SPACA9: variants seen among roughly 807,000 people sequenced by gnomAD.
SPACA9 encodes sperm acrosome associated 9.
Under a neutral mutation model 12.5 loss-of-function variants are expected in SPACA9, and 14 were observed. The ratio of observed to expected loss-of-function variants is 1.12; its 90% CI spans 0.74 to 1.75. The LOEUF is 1.75. SPACA9 is among the 40% of genes most tolerant of loss of function. The pLI is 0.00. For synonymous variants in SPACA9, 111 were observed against 114.1 expected, an observed-to-expected ratio of 0.97 and a Z score of 0.17; for missense variants, 292 against 291.9, an observed-to-expected ratio of 1.00 and a Z score of 0.00.
intron 1 of SPACA9, among the ~76,000 whole-genome samples, chr9:132,880,877 C>T (rs1461447923): frequency 1.4e-5 from 2 of 147,664 alleles, no homozygotes; most frequent in Non-Finnish European, 3.0e-5. Flanking sequence ...GGCTGGAGTG[C>T]AGTGGCGCCA....
upstream of SPACA9, chr9:132,878,805 G>A (rs768520833): frequency 5.1e-4 from 503 of 983,398 alleles, no homozygotes; most frequent in Non-Finnish European, 6.0e-4. The surrounding 1 kb of genome is among the most constrained non-coding windows in gnomAD (Gnocchi z 4.7). Context: ...CCCCGGCTCT[G>A]GCCAAGCCGC....
intron 2 of SPACA9, among the ~76,000 whole-genome samples, chr9:132,884,634 A>G (rs1456331149): frequency 6.8e-6 from 1 of 146,576 alleles, no homozygotes; most frequent in African/African-American, 2.5e-5. Flanking sequence ...TCCTTCCAGG[A>G]TGTTAGGGGC....
At chr9:132,879,438 C>CT (rs1382280206) in intron 1 of SPACA9, among the ~76,000 whole-genome samples, 1 of 152,176 alleles carries the variant, frequency 6.6e-6, no homozygotes, top group Non-Finnish European at 1.5e-5. Context: ...TTGGCAAACT[C>CT]TCTGCTTGCT....
rs1844648523 is a variant in SPACA9 at position 132,888,751 on chromosome 9, C to T, written c.*140C>T. The T allele has an allele frequency of 7.0e-7, 1 of 1,419,072 alleles. No individual in the cohort carries two copies. Among genetic ancestry groups the T allele is most frequent in the Admixed American group, 3.1e-5 (1 of 32,424 alleles). 87.9% of individuals were successfully genotyped at this position (1,419,072 alleles called of 1,614,324 possible). ...TCAGCCAATATATTACTGAGACTTC[C>T]TCTCTCTCTTCTTGCTTTAACTTCT... On this transcript the variant is annotated 3_prime_UTR_variant, in exon 4 of 4. Transcript: ENST00000356311. The surrounding 1 kb of genome is among the most constrained non-coding windows in gnomAD (Gnocchi z 5.0).
chr9:132,879,463 C>T (rs1052198205), intron 1 of SPACA9, among the ~76,000 whole-genome samples: 3 of 152,140 alleles, frequency 2.0e-5, no homozygotes, highest in African/African-American at 7.2e-5. Context: ...GCCTCACTTT[C>T]CTGCCCTGTG....
rs970298892 is a variant in SPACA9, at chr9:132,889,275, G to C, written c.*664G>C. On this transcript the variant is annotated 3_prime_UTR_variant, in exon 4 of 4. Coordinates refer to ENST00000356311, the MANE Select transcript of SPACA9 (RefSeq NM_001316897.2). The stretch of plus-strand genomic sequence containing the variant: ...GCTGCGGGCTGCAGTTTTGCAGAGG[G>C]TGATCAAGCTGGAGACCATCTGCTC... 1.0e-6 allele frequency: 1 copy of C among 985,930 alleles called. No homozygotes were observed. Among genetic ancestry groups the C allele is most frequent in the Non-Finnish European group, 1.2e-6 (1 of 830,440 alleles). The allele number at this position is 985,930 out of a possible 1,614,324, so 61.1% of individuals were successfully genotyped here. A position where few individuals can be genotyped will look rare whatever the true frequency, so the allele number is the denominator to read the frequency against.
chr9:132,878,668 G>T, upstream of SPACA9: 1 of 1,001,560 alleles, frequency 1.0e-6, no homozygotes, highest in Non-Finnish European at 1.2e-6. This position sits in a 1 kb window ranked among gnomAD's most constrained non-coding sequence, Gnocchi z 4.7. Context: ...AACAGACGCG[G>T]GAATAAATGT....
rs991683192 is a variant in SPACA9 at position 132,887,698 on chromosome 9, T to A, written c.347+127T>A. On this transcript the variant is annotated intron_variant, in intron 3 of 3. Transcript: ENST00000356311. This position sits in a 1 kb window ranked among gnomAD's most constrained non-coding sequence, Gnocchi z 5.4. ...CCACCCCGGGCAGGAAATCCCAGTC[T>A]CCACTCATTTATTGGAATGACTCGG... 1.1e-5 allele frequency: 8 copies of A among 727,696 alleles called. No individual in the cohort carries two copies. The highest frequency in any genetic ancestry group is 9.7e-5 in the Admixed American group (4 of 41,030). The allele number at this position is 727,696 out of a possible 1,614,324, so 45.1% of individuals were successfully genotyped here.
chr9:132,878,970 C>T lies in SPACA9; in HGVS notation c.-82C>T. 6.0e-6 allele frequency: 1 copy of T among 167,424 alleles called. No individual in the cohort carries two copies. The allele number at this position is 167,424 out of a possible 1,614,324, so 10.4% of individuals were successfully genotyped here. A position where few individuals can be genotyped will look rare whatever the true frequency, so the allele number is the denominator to read the frequency against. ...GACACTCACGGAGTCACTCCAACTT[C>T]TCTGGGTGCTCCGTGGAGCGAAGAG... On this transcript the variant is annotated 5_prime_UTR_variant, in exon 1 of 4. Transcript: ENST00000356311. This position sits in a 1 kb window ranked among gnomAD's most constrained non-coding sequence, Gnocchi z 4.7.
intron 2 of SPACA9, among the ~76,000 whole-genome samples, chr9:132,886,629 A>T (rs1433669123): frequency 6.6e-6 from 1 of 152,062 alleles, no homozygotes; most frequent in African/African-American, 2.4e-5. Context: ...ACCTCTGCAA[A>T]CCTCCAGTGT....
intron 1 of SPACA9, among the ~76,000 whole-genome samples, chr9:132,883,515 C>T (rs1257141949): frequency 2.0e-5 from 3 of 152,064 alleles, no homozygotes; most frequent in African/African-American, 4.8e-5. Context: ...TGTGTACACG[C>T]GTGCGTGTGT....
Position 132,880,804 on chromosome 9 carries a change from A to G in SPACA9, c.-38+1790A>G, listed in dbSNP as rs578199002. On this transcript the variant is annotated intron_variant, in intron 1 of 3. Transcript: ENST00000356311. ...TTCTCCTTTTGCCTCAGGCCTCAGT[A>G]TGGCAAGGTGCAGCTATCTTTTTTT... Among the ~76,000 whole-genome samples the G allele has an allele frequency of 2.6e-5, 4 of 151,068 alleles. No homozygotes were observed. In the South Asian group the frequency reaches 8.4e-4, roughly 32 times the overall value.
At chr9:132,886,723 G>A (rs1844575820) in intron 2 of SPACA9, among the ~76,000 whole-genome samples, 1 of 152,204 alleles carries the variant, frequency 6.6e-6, no homozygotes, top group Admixed American at 6.5e-5. Flanking sequence ...ACAGGCGAGA[G>A]CAGGCCCGTA....
rs1236688441 is a variant in SPACA9, at chr9:132,889,703, C to T, written c.*1092C>T. 3 of 1,108,080 alleles carry T rather than the reference C, an allele frequency of 2.7e-6. No homozygotes were observed. Among genetic ancestry groups the T allele is most frequent in the Non-Finnish European group, 3.3e-6 (3 of 906,822 alleles). The allele number at this position is 1,108,080 out of a possible 1,614,324, so 68.6% of individuals were successfully genotyped here. A position where few individuals can be genotyped will look rare whatever the true frequency, so the allele number is the denominator to read the frequency against. On this transcript the variant is annotated 3_prime_UTR_variant, in exon 4 of 4. Coordinates refer to ENST00000356311, the MANE Select transcript of SPACA9 (RefSeq NM_001316897.2). Reference sequence around the variant, plus strand: ...GTGCTGGGATTACAGGTGTGAGCCACGGCACCTGGCCAGAACTCAGTAGTG... The same window carrying T: ...GTGCTGGGATTACAGGTGTGAGCCATGGCACCTGGCCAGAACTCAGTAGTG...
At chr9:132,884,629 C>T (rs555945278) in intron 2 of SPACA9, among the ~76,000 whole-genome samples, 9 of 152,300 alleles carry the variant, frequency 5.9e-5, no homozygotes, top group African/African-American at 2.2e-4. Flanking sequence ...AATGATCCTT[C>T]CAGGATGTTA....
Position 132,888,406 on chromosome 9 carries a change from C to G in SPACA9, c.464C>G (p.Ser155Cys), listed in dbSNP as rs1564460142. ...LDLMKEWIAHSEKLPRKVLQH... is the reference protein window; with the variant it reads ...LDLMKEWIAHCEKLPRKVLQH... ...TTAATGAAAGAATGGATCGCCCACT[C>G]CGAGAAGTTGCCGCGCAAGGTGCTG... Residue 155 changes from serine to cysteine, a missense_variant, in exon 4 of 4, where the codon TCC becomes TGC. By Grantham distance (112) the Ser-to-Cys change is moderately radical (BLOSUM62 -1). Coordinates refer to ENST00000356311, the MANE Select transcript of SPACA9 (RefSeq NM_001316897.2). The surrounding 1 kb of genome is among the most constrained non-coding windows in gnomAD (Gnocchi z 5.0). 6.2e-7 allele frequency: 1 copy of G among 1,614,032 alleles called. No individual in the cohort carries two copies. The highest frequency in any genetic ancestry group is 1.7e-5 in the Admixed American group (1 of 60,026).
rs1351928358 is a variant in SPACA9, at chr9:132,881,277, AAAAAAAAG to A, written c.-38+2271_-38+2278del. Among the ~76,000 whole-genome samples, 44 of 145,976 alleles carry A rather than the reference AAAAAAAAG, an allele frequency of 3.0e-4. No individual in the cohort carries two copies. In the East Asian group the frequency reaches 7.7e-3, roughly 26 times the overall value. Reference sequence around the variant, plus strand: ...CCCATCTCTACAAAAAAAAAGAAAAAAAAAAAAGAAAAAAAAGAAGAAAAAAAAAAAAA... The same window carrying A: ...CCCATCTCTACAAAAAAAAAGAAAAAAAAAAAAAGAAGAAAAAAAAAAAAA... On this transcript the variant is annotated intron_variant, in intron 1 of 3. Coordinates refer to ENST00000356311, the MANE Select transcript of SPACA9 (RefSeq NM_001316897.2).
chr9:132,878,714 A>AGAT, upstream of SPACA9: 29 of 987,996 alleles, frequency 2.9e-5, no homozygotes, highest in Non-Finnish European at 3.5e-5. The surrounding 1 kb of genome is among the most constrained non-coding windows in gnomAD (Gnocchi z 4.7). Flanking sequence ...GGCGTCCATG[A>AGAT]GATGGGCCGG....
At position 132,887,414 on chromosome 9, in the gene SPACA9, CG is replaced by C; in HGVS notation, c.193del (p.Val65PhefsTer12). The C allele has an allele frequency of 6.2e-7, 1 of 1,611,768 alleles. No homozygotes were observed. The highest frequency in any genetic ancestry group is 1.7e-5 in the Admixed American group (1 of 60,012). ...CTACTGCAACAGCTCCACAGACCGG[CG>C]GGTTCTGCTCATGTTCCTGGACATC... ...EHYCNSSTDR[R>X]VLLMFLDICS... On this transcript the variant is annotated frameshift_variant, in exon 3 of 4. Coordinates refer to ENST00000356311, the MANE Select transcript of SPACA9 (RefSeq NM_001316897.2). LOFTEE classifies it high-confidence loss of function. This position sits in a 1 kb window ranked among gnomAD's most constrained non-coding sequence, Gnocchi z 5.4.
Sources: allele counts gnomAD v4.1 joint callset (sites outside exome capture counted in the v4.1 genomes callset), GRCh38; gene constraint gnomAD v4.1.1; non-coding constraint Gnocchi (gnomAD v3.1); transcripts MANE v1.5; gene names NCBI Gene and HGNC (gene_info 2026-07-23, HGNC 2026-07-21).